Variants in JAKMIP3 observed in about 807,000 individuals in gnomAD.
JAKMIP3 encodes janus kinase and microtubule-interacting protein 3.
JAKMIP3 carries 58 observed loss-of-function variants against 118.5 expected under a neutral mutation model. The observed-to-expected ratio is 0.49, with a 90% CI of 0.40 to 0.61. JAKMIP3 has a LOEUF of 0.61. JAKMIP3 is among the 20% of genes least tolerant of loss of function. JAKMIP3 has a pLI of 0.00. For missense variants in JAKMIP3, 950 were observed against 1,109.0 expected, an observed-to-expected ratio of 0.86 and a Z score of 2.04; for synonymous variants, 486 against 451.2, an observed-to-expected ratio of 1.08 and a Z score of -0.98.
intron 9 of JAKMIP3, among the ~76,000 whole-genome samples, chr10:132,139,727 C>T (rs1336349570): frequency 1.3e-5 from 2 of 152,190 alleles, no homozygotes; most frequent in African/African-American, 2.4e-5. Context: ...GCACACAGGA[C>T]AGGGGCCAGT....
intron 1 of JAKMIP3, among the ~76,000 whole-genome samples, chr10:132,092,151 G>C (rs2043176851): frequency 6.6e-6 from 1 of 152,022 alleles, no homozygotes; most frequent in Non-Finnish European, 1.5e-5. Context: ...TAGTCTGATG[G>C]GCTTCCCTTT....
chr10:132,127,091 A>G (rs1483993474), intron 3 of JAKMIP3, among the ~76,000 whole-genome samples: 1 of 152,182 alleles, frequency 6.6e-6, no homozygotes, highest in Non-Finnish European at 1.5e-5. Flanking sequence ...TTTTTAAATT[A>G]TGAATTAAAT....
At chr10:132,138,306 G>A (rs1323744336) in intron 9 of JAKMIP3, 128 bp downstream of exon 9, 6 of 810,292 alleles carry the variant, frequency 7.4e-6, no homozygotes, top group African/African-American at 3.8e-5. Context: ...AGGGCGCTGG[G>A]TGTGTGTGCC....
In JAKMIP3 at chr10:132,058,622, G is replaced by T. The variant is rs140542043; in HGVS notation, c.-138+21884G>T. Among the ~76,000 whole-genome samples the T allele has an allele frequency of 3.8e-3, 573 of 152,324 alleles. 2 individuals are homozygous for T. The highest frequency in any genetic ancestry group is 0.013 in the African/African-American group (544 of 41,580). On this transcript the variant is annotated intron_variant, in intron 1 of 23. Transcript: ENST00000657785. ...GGGCAGCTGGTGAAGATGCTTCTTA[G>T]TATTTTCATGTGTCATTCTGGTTAC...
intron 1 of JAKMIP3, among the ~76,000 whole-genome samples, chr10:132,089,999 G>T (rs1008811666): frequency 6.6e-6 from 1 of 152,090 alleles, no homozygotes; most frequent in African/African-American, 2.4e-5. Flanking sequence ...CTGTTTATAT[G>T]CTGGATTACG....
intron 21 of JAKMIP3, among the ~76,000 whole-genome samples, chr10:132,165,148 G>A (rs576938034): frequency 9.2e-5 from 14 of 152,334 alleles, no homozygotes; most frequent in Admixed American, 4.6e-4. Context: ...CCAGTTCCCG[G>A]ATCAGAAGCA....
Position 132,137,275 on chromosome 10 carries a change from G to A in JAKMIP3, c.1270G>A (p.Val424Met), listed in dbSNP as rs575506415. 38 of 1,613,888 alleles carry A rather than the reference G, an allele frequency of 2.4e-5. No homozygotes were observed. Among genetic ancestry groups the A allele is most frequent in the South Asian group, 8.8e-5 (8 of 91,084 alleles). The change falls in exon 8 of 24, where the codon GTG (valine) becomes ATG (methionine). Residue 424 changes from valine (V) to methionine (M), a missense_variant. Coordinates refer to ENST00000684848, the MANE Select transcript of JAKMIP3 (RefSeq NM_001323087.2). ...LSKTLETAGY[V>M]KSVLERDKLL... ...CTAGACCCTTGAGACCGCCGGCTACGTGAAGAGCGTGTTAGTAAGTATGGT... is the reference window on the plus strand; with the variant it reads ...CTAGACCCTTGAGACCGCCGGCTACATGAAGAGCGTGTTAGTAAGTATGGT...
intron 2 of JAKMIP3, among the ~76,000 whole-genome samples, chr10:132,106,963 A>G (rs556493215): frequency 6.6e-6 from 1 of 152,200 alleles, no homozygotes; most frequent in South Asian, 2.1e-4. Context: ...AGCTCACTAC[A>G]GCCTCGACCT....
intron 11 of JAKMIP3, chr10:132,143,745 G>T (rs1438444057): frequency 6.6e-6 from 1 of 152,198 alleles, no homozygotes; most frequent in Non-Finnish European, 1.5e-5. Context: ...GATAAGGAAG[G>T]GGGCAGGAGA....
intron 1 of JAKMIP3, among the ~76,000 whole-genome samples, chr10:132,081,158 T>C (rs1056323346): frequency 4.6e-5 from 7 of 151,672 alleles, no homozygotes; most frequent in African/African-American, 1.7e-4. Flanking sequence ...CTTCATTCTT[T>C]TGCATGTGGA....
rs754558947 is a variant in JAKMIP3 at position 132,136,084 on chromosome 10, G to A, written c.1116+8G>A. 5 of 1,612,704 alleles carry A rather than the reference G, an allele frequency of 3.1e-6. No homozygotes were observed. Among genetic ancestry groups the A allele is most frequent in the South Asian group, 2.2e-5 (2 of 91,038 alleles). On this transcript the variant is annotated splice_region_variant and intron_variant, in intron 6 of 23. Coordinates refer to ENST00000684848, the MANE Select transcript of JAKMIP3 (RefSeq NM_001323087.2). Reference sequence around the variant, plus strand: ...CAGGAGAACATAGAAATGGTGAGGGGGTGGGGGGCTCCACGGGGCCACGGT... The same window carrying A: ...CAGGAGAACATAGAAATGGTGAGGGAGTGGGGGGCTCCACGGGGCCACGGT...
chr10:132,111,611 C>T (rs2046891052), intron 2 of JAKMIP3, among the ~76,000 whole-genome samples: 1 of 151,942 alleles, frequency 6.6e-6, no homozygotes, highest in African/African-American at 2.4e-5. Context: ...AAGGGGGTTA[C>T]TGATCACTAT....
chr10:132,059,736 G>A (rs1197380100), upstream of JAKMIP3, among the ~76,000 whole-genome samples: 1 of 152,262 alleles, frequency 6.6e-6, no homozygotes, highest in Non-Finnish European at 1.5e-5. Flanking sequence ...ATTGTCCCCA[G>A]GGAGGGGGCT....
At chr10:132,154,758 C>T in intron 19 of JAKMIP3, among the ~76,000 whole-genome samples, 1 of 151,720 alleles carries the variant, frequency 6.6e-6, no homozygotes, top group East Asian at 2.0e-4. Flanking sequence ...AGCCTGGGAA[C>T]TCTCAGAGTG....
chr10:132,077,642 C>T (rs1227930024), intron 1 of JAKMIP3, among the ~76,000 whole-genome samples: 1 of 152,130 alleles, frequency 6.6e-6, no homozygotes, highest in African/African-American at 2.4e-5. Flanking sequence ...ACATCTTAAG[C>T]GGAGGTGGTT....
chr10:132,103,437 T>C lies in JAKMIP3; in HGVS notation c.-137-1235T>C, dbSNP rs1156995435. On this transcript the variant is annotated intron_variant, in intron 1 of 23. Transcript: ENST00000684848. ...GGAGCAGCTGGAGGGGAGGAGCACCTGGGGGAGAGGAGCAGCTGGGGGGGG... is the reference window on the plus strand; with the variant it reads ...GGAGCAGCTGGAGGGGAGGAGCACCCGGGGGAGAGGAGCAGCTGGGGGGGG... Among the ~76,000 whole-genome samples the C allele has an allele frequency of 5.9e-5, 4 of 67,898 alleles. 1 individual carries two copies. In the Admixed American group the frequency reaches 6.2e-4, roughly 11 times the overall value. 44.5% of individuals were successfully genotyped at this position (67,898 alleles called of 152,430 possible).
At position 132,180,603 on chromosome 10, in the gene JAKMIP3, GCGTGT is replaced by G. The variant is rs2060849081; in HGVS notation, c.*1104-1753_*1104-1749del. ...TGCGTGCGCGTGTGTGTGTGCGTGC[GCGTGT>G]GTGTGTGCGTGTGTGTGCGTGTGTG... is the stretch of plus-strand genomic sequence containing the variant. On this transcript the variant is annotated intron_variant, in intron 23 of 23. Coordinates refer to ENST00000684848, the MANE Select transcript of JAKMIP3 (RefSeq NM_001323087.2). Among the ~76,000 whole-genome samples, 6 of 42,438 alleles carry G rather than the reference GCGTGT, an allele frequency of 1.4e-4. 1 individual carries two copies. The highest frequency in any genetic ancestry group is 5.3e-4 in the African/African-American group (5 of 9,376). 27.8% of individuals were successfully genotyped at this position (42,438 alleles called of 152,430 possible).
Position 132,137,271 on chromosome 10 carries a change from C to T in JAKMIP3, c.1266C>T (p.Gly422=). ...TTTCCTAGACCCTTGAGACCGCCGG[C>T]TACGTGAAGAGCGTGTTAGTAAGTA... is the stretch of plus-strand genomic sequence containing the variant. ...DELSKTLETA[G]YVKSVLERDK... The change falls in exon 8 of 24, where the codon GGC becomes GGT. Residue 422 remains glycine, a synonymous_variant. Transcript: ENST00000684848. 6.2e-7 allele frequency: 1 copy of T among 1,613,916 alleles called. No individual in the cohort carries two copies. Among genetic ancestry groups the T allele is most frequent in the South Asian group, 1.1e-5 (1 of 91,078 alleles).
intron 1 of JAKMIP3, among the ~76,000 whole-genome samples, chr10:132,085,439 T>C (rs935662440): frequency 1.3e-5 from 2 of 152,228 alleles, no homozygotes; most frequent in African/African-American, 4.8e-5. Flanking sequence ...TTAATTGAGC[T>C]TATTTGGATT....
Sources: allele counts gnomAD v4.1 joint callset (sites outside exome capture counted in the v4.1 genomes callset), GRCh38; gene constraint gnomAD v4.1.1; transcripts MANE v1.5; gene names NCBI Gene and HGNC (gene_info 2026-07-23, HGNC 2026-07-21).